The following COL6A3 variants were observed in gnomAD, a reference collection of about 807,000 sequenced individuals.
COL6A3 encodes the protein collagen type VI alpha 3 chain, also known as collagen alpha-3(VI) chain.
Under a neutral mutation model 274.1 loss-of-function variants are expected in COL6A3, and 137 were observed. That is an observed-to-expected ratio of 0.50 (90% CI 0.44 to 0.58). The LOEUF (loss-of-function observed/expected upper bound fraction) is 0.58. COL6A3 is among the 20% of genes least tolerant of loss of function. The pLI is 0.00. For missense variants in COL6A3, 3,950 were observed against 4,124.9 expected, an observed-to-expected ratio of 0.96 and a Z score of 1.16; for synonymous variants, 1,650 against 1,650.6, an observed-to-expected ratio of 1.00 and a Z score of 0.01.
intron 3 of COL6A3, among the ~76,000 whole-genome samples, chr2:237,392,889 T>C (rs763074824): frequency 2.8e-4 from 42 of 152,286 alleles, no homozygotes; most frequent in South Asian, 6.2e-4. Flanking sequence ...CTGAGCACCA[T>C]TGGAAACTCC....
intron 16 of COL6A3, among the ~76,000 whole-genome samples, chr2:237,360,738 C>A (rs2106342991): frequency 6.6e-6 from 1 of 152,272 alleles, no homozygotes; most frequent in South Asian, 2.1e-4. Flanking sequence ...CCAGGGACTA[C>A]CCTTAACGGG....
rs1574978814 is a variant in COL6A3 at position 237,361,266 on chromosome 2, C to T, written c.6157-92G>A. On this transcript the variant is annotated intron_variant, in intron 15 of 43. Coordinates refer to ENST00000295550, the MANE Select transcript of COL6A3 (RefSeq NM_004369.4). This position sits in a 1 kb window ranked among gnomAD's most constrained non-coding sequence, Gnocchi z 5.1. ...TGTGGTCCCCCTTCATTTGGCAGAG[C>T]AGCACTAAAACTCAGCATGGCTTTC... The T allele has an allele frequency of 1.0e-5, 12 of 1,177,570 alleles. No individual in the cohort carries two copies. The highest frequency in any genetic ancestry group is 2.0e-4 in the Middle Eastern group (1 of 4,910). The allele number at this position is 1,177,570 out of a possible 1,614,324, so 72.9% of individuals were successfully genotyped here.
intron 3 of COL6A3, among the ~76,000 whole-genome samples, chr2:237,392,758 C>T (rs1197507119): frequency 6.6e-6 from 1 of 152,264 alleles, no homozygotes; most frequent in East Asian, 1.9e-4. Flanking sequence ...TGCGTTCACA[C>T]TGCAGACTCT....
At position 237,376,903 on chromosome 2, in the gene COL6A3, G is replaced by A. The variant is rs745700225; in HGVS notation, c.2939C>T (p.Pro980Leu). ...PFIFQAKNAD[P>L]AELEQIVLSP... is the part of the protein sequence containing the mutation. ...CAGCACGATCTGCTCTAACTCAGCA[G>A]GGTCTGCGTTCTTGGCTTGGAAGAT... The change falls in exon 7 of 44, where the codon CCT becomes CTT. Residue 980 changes from proline (P) to leucine (L), a missense_variant. Physicochemically the swap from Pro to Leu is moderately conservative, Grantham distance 98. This residue lies in a region of COL6A3 where 1,934 missense variants were observed against 1,984.3 expected (regional missense o/e 0.97). Coordinates refer to ENST00000295550, the MANE Select transcript of COL6A3 (RefSeq NM_004369.4). 3.7e-6 allele frequency: 6 copies of A among 1,614,108 alleles called. No homozygotes were observed. The highest frequency in any genetic ancestry group is 3.4e-6 in the Non-Finnish European group (4 of 1,180,052).
intron 42 of COL6A3, chr2:237,329,451 AAC>A (rs1427002757): frequency 6.6e-6 from 1 of 152,216 alleles, no homozygotes; most frequent in Non-Finnish European, 1.5e-5. Context: ...CAAGATAAAA[AAC>A]ACTCCTTTGG....
intron 31 of COL6A3, among the ~76,000 whole-genome samples, chr2:237,347,253 G>A (rs970780901): frequency 2.6e-5 from 4 of 152,126 alleles, no homozygotes; most frequent in South Asian, 4.2e-4. Flanking sequence ...CCGCCCAGAT[G>A]ACAGACTGAG....
intron 43 of COL6A3, among the ~76,000 whole-genome samples, chr2:237,325,341 T>C (rs1408062864): frequency 6.6e-6 from 1 of 152,218 alleles, no homozygotes; most frequent in African/African-American, 2.4e-5. Flanking sequence ...GTAACATTTC[T>C]GAAGAATGAC....
rs533826224 is a variant in COL6A3, at chr2:237,413,237, A to C, written c.-31+716T>G. ...CAGCCCCAGGGGCCCTGCCTTAGAC[A>C]CTCAGCATGCTGCCCAAATGCCCAA... On this transcript the variant is annotated intron_variant, in intron 1 of 43. Transcript: ENST00000295550. The surrounding 1 kb of genome is among the most constrained non-coding windows in gnomAD (Gnocchi z 4.0). Among the ~76,000 whole-genome samples the C allele has an allele frequency of 1.0e-3, 155 of 152,148 alleles. No homozygotes were observed. Among genetic ancestry groups the C allele is most frequent in the African/African-American group, 3.4e-3 (142 of 41,520 alleles).
At chr2:237,358,375 C>T (rs891199976) in intron 21 of COL6A3, 146 bp downstream of exon 21, 3 of 733,472 alleles carry the variant, frequency 4.1e-6, no homozygotes, top group Non-Finnish European at 7.1e-6. Context: ...CCCCAAACCC[C>T]CAAACTGCAA....
At chr2:237,411,856 C>G (rs1220523975) in intron 1 of COL6A3, among the ~76,000 whole-genome samples, 2 of 152,180 alleles carry the variant, frequency 1.3e-5, no homozygotes, top group Non-Finnish European at 2.9e-5. Context: ...GGAACACGCT[C>G]CCTGCCAAGC....
chr2:237,388,189 A>G lies in COL6A3; in HGVS notation c.710-5T>C. The stretch of plus-strand genomic sequence containing the variant: ...TAATGTCAGCAGAGTCTTGTGCTTT[A>G]AAAGAAAGAAATGCAAAAAATGTGA... On this transcript the variant is annotated splice_polypyrimidine_tract_variant and splice_region_variant and intron_variant, in intron 3 of 43. Coordinates refer to ENST00000295550, the MANE Select transcript of COL6A3 (RefSeq NM_004369.4). The G allele has an allele frequency of 1.2e-6, 2 of 1,613,942 alleles. No homozygotes were observed. The highest frequency in any genetic ancestry group is 1.3e-5 in the African/African-American group (1 of 75,076).
chr2:237,369,029 C>G lies in COL6A3; in HGVS notation c.4434G>C (p.Val1478=). Residue 1478 remains valine, a synonymous_variant, in exon 10 of 44, where the codon GTG becomes GTC. Coordinates refer to ENST00000295550, the MANE Select transcript of COL6A3 (RefSeq NM_004369.4). ...IGPSKVRVGV[V]QFSNDVFPEF... ...CTGGGAAGACATCATTGCTGAACTGCACGACCCCAACTCTCACTTTACTGG... is the reference window on the plus strand; with the variant it reads ...CTGGGAAGACATCATTGCTGAACTGGACGACCCCAACTCTCACTTTACTGG... 6.2e-7 allele frequency: 1 copy of G among 1,614,212 alleles called. No individual in the cohort carries two copies. Among genetic ancestry groups the G allele is most frequent in the Non-Finnish European group, 8.5e-7 (1 of 1,180,036 alleles).
chr2:237,398,993 G>A (rs983784279), intron 1 of COL6A3, among the ~76,000 whole-genome samples: 2 of 152,188 alleles, frequency 1.3e-5, no homozygotes, highest in Non-Finnish European at 2.9e-5. Flanking sequence ...CTTAGAGGTA[G>A]ATGCTGATCC....
In COL6A3 at chr2:237,371,515, T is replaced by C; in HGVS notation, c.4285+217A>G. Reference sequence around the variant, plus strand: ...GAGGAGGCTGAAGTGGGAGGTTGGCTGGATCCCAGAAGGCAGAGGTTAAAA... The same window carrying C: ...GAGGAGGCTGAAGTGGGAGGTTGGCCGGATCCCAGAAGGCAGAGGTTAAAA... On this transcript the variant is annotated intron_variant, in intron 9 of 43. Coordinates refer to ENST00000295550, the MANE Select transcript of COL6A3 (RefSeq NM_004369.4). The surrounding 1 kb of genome is among the most constrained non-coding windows in gnomAD (Gnocchi z 4.3). 6.7e-6 allele frequency: 7 copies of C among 1,038,328 alleles called. No homozygotes were observed. Among genetic ancestry groups the C allele is most frequent in the Non-Finnish European group, 9.1e-6 (7 of 768,712 alleles). 64.3% of individuals were successfully genotyped at this position (1,038,328 alleles called of 1,614,324 possible). A position where few individuals can be genotyped will look rare whatever the true frequency, so the allele number is the denominator to read the frequency against.
chr2:237,360,021 G>C (rs1261609166), intron 17 of COL6A3, 67 bp downstream of exon 17: 2 of 1,517,598 alleles, frequency 1.3e-6, no homozygotes, highest in African/African-American at 2.7e-5. Flanking sequence ...CTCCCTGGCA[G>C]CATCTGGAGA....
chr2:237,357,028 T>G, intron 23 of COL6A3: 1 of 465,892 alleles, frequency 2.1e-6, no homozygotes, highest in Middle Eastern at 5.7e-4. Flanking sequence ...AGTATTAGGA[T>G]TTCCATTTGG....
chr2:237,324,951 C>A, intron 43 of COL6A3, 137 bp from the exon 44 acceptor site: 1 of 927,318 alleles, frequency 1.1e-6, no homozygotes, highest in African/African-American at 1.6e-5. Flanking sequence ...TCACCTGTCC[C>A]ACTTTTCTAC....
intron 9 of COL6A3, among the ~76,000 whole-genome samples, chr2:237,370,266 T>C (rs1455996866): frequency 1.3e-5 from 2 of 149,762 alleles, no homozygotes; most frequent in Non-Finnish European, 3.0e-5. Flanking sequence ...TTAGATGGAG[T>C]CTTGCTCTGT....
At chr2:237,409,277 A>C (rs902902442) in intron 1 of COL6A3, among the ~76,000 whole-genome samples, 1 of 152,026 alleles carries the variant, frequency 6.6e-6, no homozygotes, top group African/African-American at 2.4e-5. Context: ...ATTCCCCAAG[A>C]ATGTATTCTC....
Sources: allele counts gnomAD v4.1 joint callset (sites outside exome capture counted in the v4.1 genomes callset), GRCh38; gene constraint gnomAD v4.1.1; regional missense constraint gnomAD v4.1.1; non-coding constraint Gnocchi (gnomAD v3.1); transcripts MANE v1.5; gene names NCBI Gene and HGNC (gene_info 2026-07-23, HGNC 2026-07-21).